ZNF568: variants seen among roughly 807,000 people sequenced by gnomAD.
ZNF568 encodes the protein p53 inhibitor of SCO2 activation.
ZNF568 carries 11 observed loss-of-function variants against 18.1 expected under a neutral mutation model. The ratio of observed to expected loss-of-function variants is 0.61; its 90% CI spans 0.38 to 1.00. The LOEUF (loss-of-function observed/expected upper bound fraction) is 1.00, where lower values mean the gene tolerates loss of function less well. Among genes scored for constraint, ZNF568 ranks in the 50% least tolerant of loss-of-function variants. The pLI is 0.01. For missense variants in ZNF568, 639 were observed against 768.2 expected, an observed-to-expected ratio of 0.83 and a Z score of 1.99; for synonymous variants, 213 against 246.6, an observed-to-expected ratio of 0.86 and a Z score of 1.28.
rs549720710 is a variant in ZNF568, at chr19:36,971,430, T to C, written c.359-2990T>C. 3.3e-5 allele frequency among the ~76,000 whole-genome samples: 5 copies of C among 152,230 alleles called. No individual in the cohort carries two copies. The South Asian group carries it at 1.0e-3, about 32-fold the overall frequency. On this transcript the variant is annotated intron_variant, in intron 6 of 7. Coordinates refer to the ZNF568 transcript ENST00000427117. ...TACTTAAGAATTTTTTTTAATGAAATGTTATAAGTAATGTTTCACAAGAAA... is the reference window on the plus strand; with the variant it reads ...TACTTAAGAATTTTTTTTAATGAAACGTTATAAGTAATGTTTCACAAGAAA...
At chr19:36,997,656 C>T, downstream of ZNF568, 2 of 1,327,556 alleles carry the variant, frequency 1.5e-6, no homozygotes, top group African/African-American at 1.5e-5. Flanking sequence ...GTGGAAAGGC[C>T]TTCATTCGGG....
At chr19:36,964,654 A>T (rs2074180801) in intron 6 of ZNF568, among the ~76,000 whole-genome samples, 1 of 152,090 alleles carries the variant, frequency 6.6e-6, no homozygotes, top group South Asian at 2.1e-4. Flanking sequence ...GTCTACAAAA[A>T]ATTTTTAAAA....
At chr19:36,996,213 G>A in intron 4 of ZNF568, 1 of 951,120 alleles carries the variant, frequency 1.1e-6, no homozygotes. Flanking sequence ...GCAGTGTAAA[G>A]AATTGCTTAT....
intron 6 of ZNF568, among the ~76,000 whole-genome samples, chr19:36,948,085 T>C (rs2073995429): frequency 6.6e-6 from 1 of 152,244 alleles, no homozygotes; most frequent in Non-Finnish European, 1.5e-5. Flanking sequence ...AGATCCATTA[T>C]AGTATCTTAC....
intron 2 of ZNF568, among the ~76,000 whole-genome samples, chr19:36,986,982 C>G (rs1391518350): frequency 6.6e-6 from 1 of 152,180 alleles, no homozygotes; most frequent in Non-Finnish European, 1.5e-5. Context: ...TCAGTAGATT[C>G]AGAACCCAGC....
At chr19:36,936,591 T>C in intron 4 of ZNF568, 155 bp from the exon 5 acceptor site, 1 of 617,400 alleles carries the variant, frequency 1.6e-6, no homozygotes, top group Middle Eastern at 4.9e-4. Flanking sequence ...TGTCCAACCA[T>C]TATTTCTTTG....
chr19:36,920,626 A>T (rs1020887221), intron 2 of ZNF568, among the ~76,000 whole-genome samples: 1 of 151,972 alleles, frequency 6.6e-6, no homozygotes, highest in African/African-American at 2.4e-5. Context: ...ATCTAAAAAA[A>T]AAAAAAAATG....
chr19:36,990,865 T>C (rs2074417684), intron 2 of ZNF568, among the ~76,000 whole-genome samples: 2 of 152,194 alleles, frequency 1.3e-5, no homozygotes, highest in Non-Finnish European at 2.9e-5. Flanking sequence ...GGGTGTTCCG[T>C]GTACTTGCAC....
At chr19:36,945,735 A>ATG (rs756483838) in intron 6 of ZNF568, among the ~76,000 whole-genome samples, 141 of 27,754 alleles carry the variant, frequency 5.1e-3, no homozygotes, top group Non-Finnish European at 9.2e-3. Context: ...ATGTGTGATT[A>ATG]TATGTGTGTG....
Position 36,916,577 on chromosome 19 carries a change from C to CCT in ZNF568, c.-270_-269insCT, listed in dbSNP as rs1354158983. On this transcript the variant is annotated 5_prime_UTR_variant, in exon 1 of 7. Transcript: ENST00000333987. The surrounding 1 kb of genome is among the most constrained non-coding windows in gnomAD (Gnocchi z 5.3). ...CCGAGTAGCGGCAGTGGGGAGTGCT[C>CCT]AGGGTACGCTAATGGTGAGTGGTTG... is the stretch of plus-strand genomic sequence containing the variant. 3.3e-5 allele frequency: 5 copies of CCT among 152,640 alleles called. No homozygotes were observed. The highest frequency in any genetic ancestry group is 1.2e-4 in the African/African-American group (5 of 41,548). The allele number at this position is 152,640 out of a possible 1,614,324, so 9.5% of individuals were successfully genotyped here.
intron 4 of ZNF568, among the ~76,000 whole-genome samples, chr19:36,926,505 T>C (rs1295579659): frequency 6.6e-6 from 1 of 152,222 alleles, no homozygotes; most frequent in Non-Finnish European, 1.5e-5. Flanking sequence ...AGTTTCTTAA[T>C]CTTTTTGTGA....
At chr19:36,972,796 G>A (rs971590302) in intron 6 of ZNF568, among the ~76,000 whole-genome samples, 1 of 152,162 alleles carries the variant, frequency 6.6e-6, no homozygotes, top group African/African-American at 2.4e-5. Flanking sequence ...AGAGGCCTTT[G>A]GGCACACACA....
intron 2 of ZNF568, among the ~76,000 whole-genome samples, chr19:36,988,985 C>A (rs1007244784): frequency 6.6e-6 from 1 of 152,158 alleles, no homozygotes; most frequent in South Asian, 2.1e-4. Context: ...CACTGACCAA[C>A]CTCTCGCGTT....
In ZNF568 at chr19:36,974,334, G is replaced by A. The variant is rs556669586; in HGVS notation, c.359-86G>A. ...TTCTTTGGTCTCCCTTTCAGTGCCT[G>A]GGGTGGGGCAGGAGTTTGGCCTCCC... On this transcript the variant is annotated intron_variant, in intron 6 of 7. Coordinates refer to the ZNF568 transcript ENST00000427117. 744 of 1,164,674 alleles carry A rather than the reference G, an allele frequency of 6.4e-4. 2 individuals carry two copies. In the Middle Eastern group the frequency reaches 0.016, roughly 25 times the overall value. The allele number at this position is 1,164,674 out of a possible 1,614,324, so 72.1% of individuals were successfully genotyped here.
At chr19:36,943,682 C>G (rs73612932) in intron 6 of ZNF568, among the ~76,000 whole-genome samples, 1,534 of 152,186 alleles carry the variant, frequency 0.01, 30 homozygotes, top group African/African-American at 0.035. Flanking sequence ...TCAAGCGAGT[C>G]TCGTGCCTCC....
intron 4 of ZNF568, among the ~76,000 whole-genome samples, chr19:36,927,390 C>T (rs1047839347): frequency 6.6e-6 from 1 of 152,120 alleles, no homozygotes; most frequent in African/African-American, 2.4e-5. Flanking sequence ...TAGGAATTTA[C>T]TGATAATTCT....
At chr19:36,917,333 C>G (rs777600812) in intron 1 of ZNF568, among the ~76,000 whole-genome samples, 4 of 152,138 alleles carry the variant, frequency 2.6e-5, no homozygotes, top group Admixed American at 6.5e-5. Flanking sequence ...CATGGCTAAG[C>G]CTAAAATCAA....
chr19:36,962,285 T>A (rs1470906153), intron 6 of ZNF568, among the ~76,000 whole-genome samples: 29 of 144,122 alleles, frequency 2.0e-4, no homozygotes, highest in African/African-American at 2.8e-4. Flanking sequence ...GTGTTTTTTT[T>A]TTTTTTTTTT....
intron 6 of ZNF568, among the ~76,000 whole-genome samples, chr19:36,963,579 T>C (rs1008712762): frequency 2.6e-5 from 4 of 152,166 alleles, no homozygotes; most frequent in African/African-American, 9.7e-5. Flanking sequence ...CCCAATACAG[T>C]CTCTATTAAA....
Sources: gnomAD v4.1 joint callset for allele counts (sites outside exome capture counted in the v4.1 genomes callset) on GRCh38, gnomAD v4.1.1 for gene constraint, Gnocchi (gnomAD v3.1) non-coding constraint, MANE v1.5 for transcripts, NCBI Gene and HGNC (gene_info 2026-07-23, HGNC 2026-07-21) for gene names.